CEP85: variants seen among roughly 807,000 people sequenced by gnomAD.
CEP85 encodes centrosomal protein of 85 kDa.
In CEP85, 58 loss-of-function variants were observed where a neutral mutation model predicts 93.7. The observed-to-expected ratio is 0.62, with a 90% CI of 0.50 to 0.77. The LOEUF (loss-of-function observed/expected upper bound fraction) is 0.77. CEP85 is among the 30% of genes least tolerant of loss of function. The probability of loss-of-function intolerance (pLI) is 0.00; values close to 1 mark genes in which losing one functional copy is unlikely to be tolerated. For synonymous variants in CEP85, 314 were observed against 338.6 expected, an observed-to-expected ratio of 0.93 and a Z score of 0.80; for missense variants, 868 against 922.0, an observed-to-expected ratio of 0.94 and a Z score of 0.76.
At chr1:26,273,024 G>C (rs2090001666) in intron 11 of CEP85, among the ~76,000 whole-genome samples, 1 of 152,136 alleles carries the variant, frequency 6.6e-6, no homozygotes, top group Non-Finnish European at 1.5e-5. Flanking sequence ...AGGTCCAGGG[G>C]GACTGTTGGA....
intron 3 of CEP85, among the ~76,000 whole-genome samples, chr1:26,250,922 T>TTC (rs1557653600): frequency 4.8e-5 from 1 of 20,890 alleles, no homozygotes; most frequent in African/African-American, 1.6e-4. Context: ...GCCTTTTTTT[T>TTC]TTCTTTTTTC....
intron 4 of CEP85, among the ~76,000 whole-genome samples, 154 bp downstream of exon 4, chr1:26,256,019 A>G (rs927381813): frequency 3.9e-5 from 6 of 152,226 alleles, no homozygotes; most frequent in Non-Finnish European, 8.8e-5. Flanking sequence ...GCTGTTGGCC[A>G]TTGAATCTGT....
intron 12 of CEP85, among the ~76,000 whole-genome samples, chr1:26,276,076 TGA>T (rs34753989): frequency 0.16 from 24,749 of 152,144 alleles, 2,102 homozygotes; most frequent in Middle Eastern, 0.2. Context: ...TTTATTCCTC[TGA>T]CACACTGTGA....
At chr1:26,235,090 G>A (rs149965873) in intron 1 of CEP85, among the ~76,000 whole-genome samples, 94 of 152,324 alleles carry the variant, frequency 6.2e-4, no homozygotes, top group Admixed American at 1.6e-3. Context: ...GAAAGTTAGT[G>A]TGTTCAGGTT....
Position 26,272,074 on chromosome 1 carries a change from G to A in CEP85, c.1794+3G>A, listed in dbSNP as rs1044121546. ...ATCAGTTGCGCTCACAAGTACAGGT[G>A]AGCAGGAATCCTTGGGACATGGTGG... On this transcript the variant is annotated splice_donor_region_variant and intron_variant, in intron 11 of 13. Transcript: ENST00000451429. The A allele has an allele frequency of 6.2e-7, 1 of 1,613,770 alleles. No homozygotes were observed.
rs770551965 is a variant in CEP85, at chr1:26,257,702, C to T, written c.1009C>T (p.Leu337=). 1 of 1,614,154 alleles carries T rather than the reference C, an allele frequency of 6.2e-7. No homozygotes were observed. Among genetic ancestry groups the T allele is most frequent in the East Asian group, 2.2e-5 (1 of 44,890 alleles). ...CATCTTGAACAGTAATGAACACCTT[C>T]TGAAGGAAAAAGAGCTTCTCATTGA... The part of the protein sequence containing the change: ...ISILNSNEHL[L]KEKELLIDKQ... Residue 337 remains leucine (L), a synonymous_variant, in exon 5 of 14, where the codon CTG becomes TTG. Coordinates refer to ENST00000451429, the MANE Select transcript of CEP85 (RefSeq NM_001319944.2).
At chr1:26,267,096 T>C (rs555084034) in intron 7 of CEP85, among the ~76,000 whole-genome samples, 2 of 152,334 alleles carry the variant, frequency 1.3e-5, no homozygotes, top group Admixed American at 6.5e-5. Flanking sequence ...TCAGCAAAAC[T>C]GTGTTTACTT....
chr1:26,240,819 A>T (rs902742616), intron 2 of CEP85, among the ~76,000 whole-genome samples: 4 of 152,040 alleles, frequency 2.6e-5, no homozygotes, highest in African/African-American at 9.7e-5. Context: ...AATCACTTGA[A>T]CACGGGAAGC....
At chr1:26,238,624 A>G (rs931884465) in intron 1 of CEP85, among the ~76,000 whole-genome samples, 1 of 152,204 alleles carries the variant, frequency 6.6e-6, no homozygotes, top group East Asian at 1.9e-4. Context: ...AGCACTTAGT[A>G]TGTGTCAGGA....
At chr1:26,239,627 C>G (rs112783371) in intron 1 of CEP85, 135 bp from the exon 2 acceptor site, 10 of 574,880 alleles carry the variant, frequency 1.7e-5, no homozygotes, top group Non-Finnish European at 3.1e-5. Context: ...GCTGGGATTA[C>G]AGGTGTGAGC....
intron 1 of CEP85, among the ~76,000 whole-genome samples, chr1:26,235,426 A>G (rs969376537): frequency 2.0e-5 from 3 of 152,160 alleles, no homozygotes; most frequent in African/African-American, 4.8e-5. Flanking sequence ...TGAATGATCA[A>G]GGCGGTGAAA....
intron 7 of CEP85, among the ~76,000 whole-genome samples, chr1:26,266,990 T>C (rs1433525096): frequency 1.3e-5 from 2 of 152,236 alleles, no homozygotes; most frequent in African/African-American, 4.8e-5. Flanking sequence ...ACTGGTTATA[T>C]GTCTTATCAG....
intron 9 of CEP85, among the ~76,000 whole-genome samples, chr1:26,269,990 G>A (rs562970500): frequency 1.9e-4 from 29 of 151,880 alleles, no homozygotes; most frequent in African/African-American, 5.5e-4. Context: ...GGGTTTCACC[G>A]TGGTCTCGAT....
rs963433197 is a variant in CEP85, at chr1:26,244,294, A to G, written c.184A>G (p.Thr62Ala). 6.2e-7 allele frequency: 1 copy of G among 1,613,964 alleles called. No individual in the cohort carries two copies. Residue 62 changes from threonine (T) to alanine (A), a missense_variant, in exon 3 of 14, where the codon ACA becomes GCA. By Grantham distance (58) the Thr-to-Ala change is moderately conservative. Coordinates refer to ENST00000451429, the MANE Select transcript of CEP85 (RefSeq NM_001319944.2). ...CGACAGTGGGGACACAGCCATTGGT[A>G]CATCATGCTCAGATATTGCGGAGGG... is the stretch of plus-strand genomic sequence containing the variant. ...VADSGDTAIGTSCSDIAEDFC... is the reference protein window; with the variant it reads ...VADSGDTAIGASCSDIAEDFC...
intron 11 of CEP85, among the ~76,000 whole-genome samples, chr1:26,272,831 G>A (rs767780749): frequency 5.3e-5 from 8 of 151,932 alleles, no homozygotes; most frequent in Non-Finnish European, 1.0e-4. Flanking sequence ...GTTTCACCAC[G>A]TTGGCCAGAC....
At chr1:26,269,669 C>A in intron 9 of CEP85, 55 bp downstream of exon 9, 1 of 1,413,796 alleles carries the variant, frequency 7.1e-7, no homozygotes, top group Non-Finnish European at 9.8e-7. Context: ...TTGTCATAGC[C>A]ATCCTGCTCA....
At position 26,235,564 on chromosome 1, in the gene CEP85, A is replaced by ATTTTTTTTT. The variant is rs1185542130; in HGVS notation, c.-23+1256_-23+1257insTTTTTTTTT. ...CATGATGTTCCACACTTAGATTGTA[A>ATTTTTTTTT]TTCTTTTTTTTTTTTTTTTTTTTGT... is the stretch of plus-strand genomic sequence containing the variant. On this transcript the variant is annotated intron_variant, in intron 1 of 13. Coordinates refer to ENST00000451429, the MANE Select transcript of CEP85 (RefSeq NM_001319944.2). 5.7e-3 allele frequency among the ~76,000 whole-genome samples: 396 copies of ATTTTTTTTT among 69,452 alleles called. 2 individuals are homozygous for ATTTTTTTTT. Among genetic ancestry groups the ATTTTTTTTT allele is most frequent in the African/African-American group, 0.022 (371 of 17,214 alleles). 45.6% of individuals were successfully genotyped at this position (69,452 alleles called of 152,430 possible).
At chr1:26,248,985 C>CAG (rs1277163648) in intron 3 of CEP85, among the ~76,000 whole-genome samples, 1 of 152,182 alleles carries the variant, frequency 6.6e-6, no homozygotes, top group African/African-American at 2.4e-5. Context: ...CTCGGCTTCT[C>CAG]AAAGTGCTGG....
intron 2 of CEP85, among the ~76,000 whole-genome samples, chr1:26,242,587 A>G (rs1056587469): frequency 3.9e-5 from 6 of 152,246 alleles, no homozygotes; most frequent in South Asian, 4.1e-4. Context: ...GAGCAAAAGT[A>G]GAAGAAAATA....
Sources: allele counts gnomAD v4.1 joint callset (sites outside exome capture counted in the v4.1 genomes callset), GRCh38; gene constraint gnomAD v4.1.1; transcripts MANE v1.5; gene names NCBI Gene and HGNC (gene_info 2026-07-23, HGNC 2026-07-21).